Variants in PTPRD observed in about 807,000 individuals in gnomAD.
PTPRD encodes the protein protein tyrosine phosphatase receptor type D.
PTPRD carries 34 observed loss-of-function variants against 214.5 expected under a neutral mutation model. That is an observed-to-expected ratio of 0.16 (90% confidence interval 0.12 to 0.21). PTPRD has a LOEUF of 0.21. Among genes scored for constraint, PTPRD ranks in the 10% least tolerant of loss-of-function variants. The probability of loss-of-function intolerance (pLI) is 1.00; values close to 1 mark genes in which losing one functional copy is unlikely to be tolerated. For synonymous variants in PTPRD, 1,128 were observed against 845.7 expected (o/e 1.33, Z -5.79); for missense variants, 2,545 against 2,398.7 (o/e 1.06, Z -1.27).
chr9:9,463,931 A>C (rs2093906391), intron 8 of PTPRD, among the ~76,000 whole-genome samples: 1 of 152,166 alleles, frequency 6.6e-6, no homozygotes, highest in Admixed American at 6.5e-5. Flanking sequence ...TTGGACAGTG[A>C]GACACCAGAC....
chr9:8,841,022 G>T (rs1224133855), intron 11 of PTPRD, among the ~76,000 whole-genome samples: 2 of 152,182 alleles, frequency 1.3e-5, no homozygotes, highest in African/African-American at 4.8e-5. Flanking sequence ...GTTATGACCT[G>T]GAGTGCTGTA....
intron 2 of PTPRD, among the ~76,000 whole-genome samples, chr9:10,470,265 A>T: frequency 6.6e-6 from 1 of 152,120 alleles, no homozygotes; most frequent in East Asian, 1.9e-4. Flanking sequence ...CCATAAAAAA[A>T]TTAAAAACAA....
chr9:9,318,550 T>C (rs934200957), intron 9 of PTPRD, among the ~76,000 whole-genome samples: 3 of 152,196 alleles, frequency 2.0e-5, no homozygotes, highest in African/African-American at 4.8e-5. Flanking sequence ...CCAAATACTT[T>C]AGATCTATCC....
chr9:9,901,079 G>C (rs2076287213), intron 5 of PTPRD, among the ~76,000 whole-genome samples: 1 of 152,140 alleles, frequency 6.6e-6, no homozygotes, highest in Non-Finnish European at 1.5e-5. Flanking sequence ...CTTCTGGAAA[G>C]TCTTCAGAAA....
At chr9:10,111,118 G>A (rs1441575160) in intron 3 of PTPRD, among the ~76,000 whole-genome samples, 2 of 150,774 alleles carry the variant, frequency 1.3e-5, no homozygotes, top group East Asian at 3.9e-4. Context: ...AGAATACAAT[G>A]CTTTAAGATT....
At chr9:8,698,967 G>A (rs147072819) in intron 12 of PTPRD, among the ~76,000 whole-genome samples, 1 of 152,054 alleles carries the variant, frequency 6.6e-6, no homozygotes, top group African/African-American at 2.4e-5. Flanking sequence ...GCACTCTCCA[G>A]CCACTGGGCA....
chr9:8,580,138 G>A (rs1002774827), intron 14 of PTPRD, among the ~76,000 whole-genome samples: 7 of 152,236 alleles, frequency 4.6e-5, no homozygotes, highest in South Asian at 2.1e-4. Context: ...CAGAATATAC[G>A]AAACAAATGT....
chr9:8,940,280 CT>C (rs34342718), intron 11 of PTPRD, among the ~76,000 whole-genome samples: 128 of 89,040 alleles, frequency 1.4e-3, no homozygotes, highest in African/African-American at 5.5e-3. Flanking sequence ...TCTCTCTCTC[CT>C]TTTTTTTTTT....
At chr9:9,719,945 G>C (rs1422536554) in intron 7 of PTPRD, among the ~76,000 whole-genome samples, 1 of 152,154 alleles carries the variant, frequency 6.6e-6, no homozygotes, top group East Asian at 1.9e-4. Flanking sequence ...ATGACTAACT[G>C]TGTGCACTGG....
At chr9:9,190,665 G>C (rs1306259054) in intron 9 of PTPRD, among the ~76,000 whole-genome samples, 2 of 152,032 alleles carry the variant, frequency 1.3e-5, no homozygotes, top group Non-Finnish European at 2.9e-5. Context: ...AAACATCCTA[G>C]CCCTGAGAAC....
intron 5 of PTPRD, among the ~76,000 whole-genome samples, chr9:9,882,821 G>A (rs887766517): frequency 2.6e-5 from 4 of 151,966 alleles, no homozygotes; most frequent in African/African-American, 7.2e-5. Context: ...TGTTGGAAGT[G>A]GGGGCCTAAT....
At chr9:8,659,908 C>A (rs2096998931) in intron 12 of PTPRD, among the ~76,000 whole-genome samples, 1 of 151,928 alleles carries the variant, frequency 6.6e-6, no homozygotes. Context: ...GAATTATTCA[C>A]CAATGAAGAA....
chr9:9,833,690 C>A (rs10978019), intron 5 of PTPRD, among the ~76,000 whole-genome samples: 6 of 132,762 alleles, frequency 4.5e-5, no homozygotes, highest in East Asian at 5.7e-4. Context: ...GAGAGGGGGG[C>A]AGTTCAGAGA....
At chr9:9,057,496 C>T (rs10977459) in intron 10 of PTPRD, among the ~76,000 whole-genome samples, 1 of 152,164 alleles carries the variant, frequency 6.6e-6, no homozygotes, top group East Asian at 1.9e-4. Flanking sequence ...TCCACTATGA[C>T]AAAAATGAAG....
chr9:9,246,611 T>C (rs543222431), intron 9 of PTPRD, among the ~76,000 whole-genome samples: 1 of 152,084 alleles, frequency 6.6e-6, no homozygotes, highest in Non-Finnish European at 1.5e-5. Context: ...TGCTTTTCTT[T>C]CATTTTCATA....
At chr9:9,968,119 T>A (rs564937733) in intron 4 of PTPRD, among the ~76,000 whole-genome samples, 18 of 152,176 alleles carry the variant, frequency 1.2e-4, no homozygotes, top group Non-Finnish European at 1.6e-4. Context: ...TTTTAGAATA[T>A]TAAAAATTTA....
At chr9:9,308,112 A>G (rs577860097) in intron 9 of PTPRD, among the ~76,000 whole-genome samples, 18 of 152,292 alleles carry the variant, frequency 1.2e-4, no homozygotes, top group African/African-American at 4.1e-4. Context: ...TAACTGTGGC[A>G]TTTTGAAGTA....
At chr9:10,423,600 A>T (rs1183001171) in intron 2 of PTPRD, among the ~76,000 whole-genome samples, 1 of 151,906 alleles carries the variant, frequency 6.6e-6, no homozygotes, top group Non-Finnish European at 1.5e-5. Flanking sequence ...CATTCAAAGC[A>T]AATTATAATG....
At chr9:9,439,038 T>C (rs2144160169) in intron 8 of PTPRD, among the ~76,000 whole-genome samples, 1 of 152,272 alleles carries the variant, frequency 6.6e-6, no homozygotes, top group South Asian at 2.1e-4. Context: ...CTGTGCAATG[T>C]TCCATAATCA....
Sources: gnomAD v4.1 joint callset for allele counts (sites outside exome capture counted in the v4.1 genomes callset) on GRCh38, gnomAD v4.1.1 for gene constraint, MANE v1.5 for transcripts, NCBI Gene and HGNC (gene_info 2026-07-23, HGNC 2026-07-21) for gene names.